ATM: variants seen among roughly 807,000 people sequenced by gnomAD.
The protein encoded by ATM is ATM serine/threonine kinase.
ATM carries 308 observed loss-of-function variants against 387.0 expected under a neutral mutation model. The observed-to-expected ratio is 0.80, with a 90% CI of 0.73 to 0.87. The LOEUF (loss-of-function observed/expected upper bound fraction) is 0.87, where lower values mean the gene tolerates loss of function less well. Among genes scored for constraint, ATM ranks in the 40% least tolerant of loss-of-function variants. The pLI is 0.00. For missense variants in ATM, 3,312 were observed against 3,560.9 expected (o/e 0.93, Z 1.78); for synonymous variants, 1,156 against 1,187.3 (o/e 0.97, Z 0.54).
intron 61 of ATM, among the ~76,000 whole-genome samples, chr11:108,358,834 C>T (rs1156326610): frequency 6.6e-6 from 1 of 150,440 alleles, no homozygotes; most frequent in Non-Finnish European, 1.5e-5. Context: ...CCAGCCACTG[C>T]AAAATCATGC....
At chr11:108,263,914 T>C (rs1298034267) in intron 16 of ATM, among the ~76,000 whole-genome samples, 5 of 149,820 alleles carry the variant, frequency 3.3e-5, no homozygotes, top group African/African-American at 1.2e-4. Context: ...ACATACACTC[T>C]CCCAAGACTA....
chr11:108,297,561 A>G (rs1264880992), intron 33 of ATM, among the ~76,000 whole-genome samples, 179 bp downstream of exon 33: 1 of 152,184 alleles, frequency 6.6e-6, no homozygotes, highest in African/African-American at 2.4e-5. Flanking sequence ...GGTTTGTGTA[A>G]GTATATTCTG....
At chr11:108,341,520 G>A (rs991118914) in intron 56 of ATM, among the ~76,000 whole-genome samples, 7 of 151,702 alleles carry the variant, frequency 4.6e-5, no homozygotes, top group Non-Finnish European at 5.9e-5. Flanking sequence ...CATGTAATAC[G>A]CCCCCAACAA....
rs1591504278 is a variant in ATM at position 108,244,930 on chromosome 11, C to T, written c.805C>T (p.His269Tyr). ...CACTTTGCTTTATATTTGGACTCAA[C>T]ATAGGCTTAATGATTCTTTAAAAGA... is the stretch of plus-strand genomic sequence containing the variant. ...LPTLLYIWTQ[H>Y]RLNDSLKEVI... Residue 269 changes from histidine (H) to tyrosine (Y), a missense_variant, in exon 7 of 63, where the codon CAT (histidine) becomes TAT (tyrosine). His to Tyr is a moderately conservative substitution (Grantham distance 83). Transcript: ENST00000675843. 5 of 1,613,320 alleles carry T rather than the reference C, an allele frequency of 3.1e-6. No homozygotes were observed. The highest frequency in any genetic ancestry group is 2.7e-5 in the African/African-American group (2 of 74,980).
chr11:108,331,639 C>T, intron 51 of ATM, 82 bp downstream of exon 51: 1 of 1,418,536 alleles, frequency 7.0e-7, no homozygotes, highest in Non-Finnish European at 9.4e-7. Flanking sequence ...ATATACCATT[C>T]CCTCTAAGAA....
rs876660472 is a variant in ATM at position 108,304,687 on chromosome 11, T to G, written c.5509T>G (p.Phe1837Val). 1.2e-6 allele frequency: 2 copies of G among 1,613,962 alleles called. No homozygotes were observed. The highest frequency in any genetic ancestry group is 1.7e-6 in the Non-Finnish European group (2 of 1,179,910). Residue 1837 changes from phenylalanine (F) to valine (V), a missense_variant, in exon 37 of 63, where the codon TTT becomes GTT. Transcript: ENST00000675843. ...TTGTATATTCTAGGTGAAAACTGAC[T>G]TTTGTCAGACTGTACTTCCATACTT... Reference protein sequence around the residue: ...LKPMCEVKTDFCQTVLPYLIH... With the variant: ...LKPMCEVKTDVCQTVLPYLIH...
intron 32 of ATM, 147 bp downstream of exon 32, chr11:108,295,206 A>C (rs1591685689): frequency 1.1e-6 from 1 of 941,626 alleles, no homozygotes; most frequent in East Asian, 2.6e-5. Flanking sequence ...CTAACTGTAA[A>C]ACTGGTCCTA....
chr11:108,338,706 T>C (rs1166990652), intron 56 of ATM, among the ~76,000 whole-genome samples: 1 of 152,034 alleles, frequency 6.6e-6, no homozygotes, highest in Non-Finnish European at 1.5e-5. Context: ...AATTATTTAA[T>C]GTTATACATC....
intron 39 of ATM, 66 bp downstream of exon 39, chr11:108,310,381 G>A (rs1357025650): frequency 6.8e-7 from 1 of 1,475,818 alleles, no homozygotes; most frequent in South Asian, 1.2e-5. Flanking sequence ...AGGGTATATA[G>A]TAAAGATTTA....
intron 1 of ATM, chr11:108,224,810 G>A (rs1259725458): frequency 6.6e-6 from 1 of 152,156 alleles, no homozygotes; most frequent in Non-Finnish European, 1.5e-5. Flanking sequence ...TTGGAATTAT[G>A]CATTGGTTTA....
intron 5 of ATM, 190 bp downstream of exon 5, chr11:108,236,024 G>A (rs1042216997): frequency 1.6e-6 from 1 of 625,406 alleles, no homozygotes. Context: ...ATAAAGTCAT[G>A]AATAATATAT....
At chr11:108,249,732 A>G (rs2080034814) in intron 9 of ATM, among the ~76,000 whole-genome samples, 1 of 152,214 alleles carries the variant, frequency 6.6e-6, no homozygotes, top group African/African-American at 2.4e-5. Flanking sequence ...TTTATAGATT[A>G]TAGTCAAACT....
intron 5 of ATM, among the ~76,000 whole-genome samples, chr11:108,239,402 T>C (rs1172371914): frequency 6.6e-6 from 1 of 152,218 alleles, no homozygotes; most frequent in Non-Finnish European, 1.5e-5. Context: ...TAAGTATTTG[T>C]CCTTTTGCAA....
At chr11:108,365,246 T>A (rs1565608400) in intron 62 of ATM, 28 bp downstream of exon 62, 6 of 1,614,202 alleles carry the variant, frequency 3.7e-6, no homozygotes, top group Middle Eastern at 1.6e-4. Context: ...AAGGTCCTGT[T>A]GTCAGTTTTT....
intron 16 of ATM, among the ~76,000 whole-genome samples, chr11:108,259,729 C>G (rs1387063647): frequency 6.6e-6 from 1 of 152,118 alleles, no homozygotes; most frequent in Non-Finnish European, 1.5e-5. Context: ...AAAAATCTTG[C>G]CAGGCAAGCA....
In ATM at chr11:108,268,618, C is replaced by T. The variant is rs370160823; in HGVS notation, c.2838+9C>T. The T allele has an allele frequency of 6.2e-6, 10 of 1,612,674 alleles. No homozygotes were observed. The East Asian group carries it at 8.9e-5, about 14-fold the overall frequency. ...CCCTCCACCTGCATATGGTGAGTTA[C>T]GTTAAATGAAGAAGCTCTTGGATTT... On this transcript the variant is annotated intron_variant, in intron 18 of 62. Coordinates refer to ENST00000675843, the MANE Select transcript of ATM (RefSeq NM_000051.4).
chr11:108,262,017 T>C (rs2080922558), intron 16 of ATM, among the ~76,000 whole-genome samples: 1 of 152,252 alleles, frequency 6.6e-6, no homozygotes, highest in South Asian at 2.1e-4. Flanking sequence ...TTGGTGCACC[T>C]GAAAGTAACG....
chr11:108,331,412 T>G lies in ATM; in HGVS notation c.7516-32T>G, dbSNP rs372671281. 4.9e-5 allele frequency: 79 copies of G among 1,605,368 alleles called. No homozygotes were observed. The East Asian group carries it at 1.5e-3, about 30-fold the overall frequency. ...TGTGAGAATATTTGAAATACCTTGTTTCTTAATTTTGTGTCTTTTTTTTAA... is the reference window on the plus strand; with the variant it reads ...TGTGAGAATATTTGAAATACCTTGTGTCTTAATTTTGTGTCTTTTTTTTAA... On this transcript the variant is annotated intron_variant, in intron 50 of 62. Transcript: ENST00000675843.
rs2091404651 is a variant in ATM at position 108,367,658 on chromosome 11, G to T, written c.*2150G>T. The T allele has an allele frequency of 9.4e-6, 2 of 212,598 alleles. No individual in the cohort carries two copies. The highest frequency in any genetic ancestry group is 2.3e-5 in the African/African-American group (1 of 44,126). 13.2% of individuals were successfully genotyped at this position (212,598 alleles called of 1,614,324 possible). On this transcript the variant is annotated 3_prime_UTR_variant, in exon 63 of 63. Coordinates refer to ENST00000675843, the MANE Select transcript of ATM (RefSeq NM_000051.4). ...TATATAAATTTTTTTCTTATGAAGA[G>T]TTGGCATTTCTTTTTATTGCCAATG... is the stretch of plus-strand genomic sequence containing the variant.
Sources: allele counts gnomAD v4.1 joint callset (sites outside exome capture counted in the v4.1 genomes callset), GRCh38; gene constraint gnomAD v4.1.1; transcripts MANE v1.5; gene names NCBI Gene and HGNC (gene_info 2026-07-23, HGNC 2026-07-21).